The following VCPIP1 variants were observed in gnomAD, a reference collection of about 807,000 sequenced individuals.
VCPIP1 encodes valosin containing protein interacting protein 1.
A neutral mutation model predicts 85.0 loss-of-function variants in VCPIP1; 8 were observed. The ratio of observed to expected loss-of-function variants is 0.09; its 90% CI spans 0.06 to 0.17. VCPIP1 has a LOEUF of 0.17. Among genes scored for constraint, VCPIP1 ranks in the 10% least tolerant of loss-of-function variants. The pLI is 1.00. For missense variants in VCPIP1, 1,070 were observed against 1,486.3 expected, an observed-to-expected ratio of 0.72 and a Z score of 4.61; for synonymous variants, 543 against 544.5, an observed-to-expected ratio of 1.00 and a Z score of 0.04.
chr8:66,664,039 G>T (rs960116459), intron 1 of VCPIP1, among the ~76,000 whole-genome samples: 1 of 151,866 alleles, frequency 6.6e-6, no homozygotes, highest in Non-Finnish European at 1.5e-5. Flanking sequence ...ATTATTGAGG[G>T]ACTACCTTAA....
intron 2 of VCPIP1, among the ~76,000 whole-genome samples, chr8:66,639,002 G>T (rs1362380296): frequency 7.3e-6 from 1 of 136,076 alleles, no homozygotes; most frequent in East Asian, 2.0e-4. Context: ...ATTTTGTGGG[G>T]GACAGGGTCT....
intron 1 of VCPIP1, among the ~76,000 whole-genome samples, chr8:66,655,395 T>C (rs538176791): frequency 7.9e-5 from 12 of 152,310 alleles, no homozygotes; most frequent in South Asian, 2.1e-4. Context: ...TTTCTGTCTC[T>C]AGTGATAAGC....
At chr8:66,658,584 G>T (rs936780886) in intron 1 of VCPIP1, among the ~76,000 whole-genome samples, 4 of 151,854 alleles carry the variant, frequency 2.6e-5, no homozygotes, top group African/African-American at 9.7e-5. Context: ...CGCCTCCTGG[G>T]TTCAAGTGAT....
chr8:66,661,875 T>C (rs1443719882), intron 1 of VCPIP1, among the ~76,000 whole-genome samples: 1 of 149,920 alleles, frequency 6.7e-6, no homozygotes, highest in South Asian at 2.2e-4. Flanking sequence ...AAGATTCTCC[T>C]GCCTCAGCCT....
At chr8:66,651,766 A>C (rs1811055994) in intron 1 of VCPIP1, among the ~76,000 whole-genome samples, 1 of 149,766 alleles carries the variant, frequency 6.7e-6, no homozygotes, top group South Asian at 2.1e-4. Context: ...GCTGTCATGG[A>C]AGAGTGCACG....
At chr8:66,663,022 T>C (rs1212985138) in intron 1 of VCPIP1, among the ~76,000 whole-genome samples, 1 of 150,292 alleles carries the variant, frequency 6.7e-6, no homozygotes, top group African/African-American at 2.5e-5. Flanking sequence ...GGAGAATTGC[T>C]TGAACCCGGG....
chr8:66,655,231 C>T (rs938659159), intron 1 of VCPIP1, among the ~76,000 whole-genome samples: 1 of 152,196 alleles, frequency 6.6e-6, no homozygotes, highest in African/African-American at 2.4e-5. Flanking sequence ...TGACTTTTTA[C>T]CCCCAGGGCC....
chr8:66,633,982 A>T lies in VCPIP1; in HGVS notation c.*519T>A, dbSNP rs1051823585. On this transcript the variant is annotated 3_prime_UTR_variant, in exon 3 of 3. Transcript: ENST00000310421. The stretch of plus-strand genomic sequence containing the variant: ...CCAAGAAATCTCTATGAATGTGTTT[A>T]CGTTCATAGAAACATTTGCATTCCA... The T allele has an allele frequency of 1.3e-5, 2 of 152,314 alleles. No homozygotes were observed. Among genetic ancestry groups the T allele is most frequent in the Admixed American group, 1.3e-4 (2 of 15,272 alleles). 9.4% of individuals were successfully genotyped at this position (152,314 alleles called of 1,614,324 possible). A position where few individuals can be genotyped will look rare whatever the true frequency, so the allele number is the denominator to read the frequency against.
At position 66,666,760 on chromosome 8, in the gene VCPIP1, T is replaced by A. The variant is rs1811217353; in HGVS notation, c.199A>T (p.Ser67Cys). 6.2e-7 allele frequency: 1 copy of A among 1,613,646 alleles called. No individual in the cohort carries two copies. The highest frequency in any genetic ancestry group is 1.3e-5 in the African/African-American group (1 of 74,912). The change falls in exon 1 of 3, where the codon AGC becomes TGC. Residue 67 changes from serine (S) to cysteine (C), a missense_variant. By Grantham distance (112) the Ser-to-Cys change is moderately radical. Coordinates refer to ENST00000310421, the MANE Select transcript of VCPIP1 (RefSeq NM_025054.5). The surrounding 1 kb of genome is among the most constrained non-coding windows in gnomAD (Gnocchi z 6.3). ...RLFFPASGSV[S>C]IECTECGQRH... ...TGGCCGCACTCGGTACACTCGATGCTGACAGAACCGGAGGCCGGGAAAAAT... is the reference window on the plus strand; with the variant it reads ...TGGCCGCACTCGGTACACTCGATGCAGACAGAACCGGAGGCCGGGAAAAAT...
In VCPIP1 at chr8:66,666,425, C is replaced by T. The variant is rs1270483941; in HGVS notation, c.534G>A (p.Val178=). 1 of 1,614,008 alleles carries T rather than the reference C, an allele frequency of 6.2e-7. No homozygotes were observed. ...TTCCGGAGCGGTCCTTGCCATAGCC[C>T]ACAGTGTTAACATGCTCTGGTTCTA... ...FLIEPEHVNT[V]GYGKDRSGSL... is the part of the protein sequence containing the mutation. Residue 178 remains valine, a synonymous_variant, in exon 1 of 3, where the codon GTG becomes GTA. Transcript: ENST00000310421. This position sits in a 1 kb window ranked among gnomAD's most constrained non-coding sequence, Gnocchi z 6.3.
At chr8:66,652,009 A>G (rs1025527417) in intron 1 of VCPIP1, among the ~76,000 whole-genome samples, 4 of 141,470 alleles carry the variant, frequency 2.8e-5, no homozygotes, top group Non-Finnish European at 6.0e-5. Flanking sequence ...CTCTATCTCT[A>G]CAAAAAAAAA....
At chr8:66,635,538 G>A (rs138583758) in intron 2 of VCPIP1, among the ~76,000 whole-genome samples, 166 bp from the exon 3 acceptor site, 13 of 152,092 alleles carry the variant, frequency 8.5e-5, no homozygotes, top group African/African-American at 2.9e-4. Flanking sequence ...AAGAACCACC[G>A]CCATAGACCC....
At position 66,630,372 on chromosome 8, in the gene VCPIP1, AAGT is replaced by A. The variant is rs746839293; in HGVS notation, c.*4126_*4128del. The A allele has an allele frequency of 4.6e-5, 7 of 152,588 alleles. No individual in the cohort carries two copies. The highest frequency in any genetic ancestry group is 1.0e-4 in the Non-Finnish European group (7 of 68,030). The allele number at this position is 152,588 out of a possible 1,614,324, so 9.5% of individuals were successfully genotyped here. The stretch of plus-strand genomic sequence containing the variant: ...ATTCTAAGTATCATTTCCCTCCAAA[AAGT>A]AGACTTTCCAGTTCTTGGCACTAAT... On this transcript the variant is annotated 3_prime_UTR_variant, in exon 3 of 3. Coordinates refer to ENST00000310421, the MANE Select transcript of VCPIP1 (RefSeq NM_025054.5).
chr8:66,638,970 C>CTATATATATATATATATATATA (rs1554584185), intron 2 of VCPIP1, among the ~76,000 whole-genome samples: 6 of 118,398 alleles, frequency 5.1e-5, no homozygotes, highest in African/African-American at 1.6e-4. Flanking sequence ...CTCTCTCTCT[C>CTATATATATATATATATATATA]TATATATATA....
intron 1 of VCPIP1, among the ~76,000 whole-genome samples, chr8:66,651,990 A>G (rs538928393): frequency 1.3e-5 from 2 of 148,906 alleles, no homozygotes; most frequent in African/African-American, 2.5e-5. Flanking sequence ...CTTTGGCAAC[A>G]TGGCGAAACT....
chr8:66,657,624 C>A (rs1418088324), intron 1 of VCPIP1, among the ~76,000 whole-genome samples: 1 of 152,206 alleles, frequency 6.6e-6, no homozygotes, highest in African/African-American at 2.4e-5. Flanking sequence ...CACAGACATG[C>A]ACACAAACTC....
chr8:66,629,946 C>T lies in VCPIP1; in HGVS notation c.*4555G>A, dbSNP rs1245994910. On this transcript the variant is annotated 3_prime_UTR_variant, in exon 3 of 3. Transcript: ENST00000310421. ...AAATCACTATTCCTGTACGATAACC[C>T]GCTTAAGTTCAACAAGAAAACTTTA... 4 of 152,016 alleles carry T rather than the reference C, an allele frequency of 2.6e-5. No homozygotes were observed. Among genetic ancestry groups the T allele is most frequent in the Non-Finnish European group, 4.4e-5 (3 of 68,020 alleles). 9.4% of individuals were successfully genotyped at this position (152,016 alleles called of 1,614,324 possible).
chr8:66,653,924 C>T (rs1050776511), intron 1 of VCPIP1, among the ~76,000 whole-genome samples: 27 of 151,950 alleles, frequency 1.8e-4, no homozygotes, highest in African/African-American at 5.6e-4. Context: ...AAATTTTTAC[C>T]CCCTTCAAAG....
intron 2 of VCPIP1, among the ~76,000 whole-genome samples, chr8:66,638,480 C>CAAAAA (rs34135306): frequency 2.5e-5 from 3 of 118,752 alleles, no homozygotes; most frequent in Non-Finnish European, 5.0e-5. Context: ...AACCCCATCT[C>CAAAAA]AAAAAAAAAA....
Sources: gnomAD v4.1 joint callset for allele counts (sites outside exome capture counted in the v4.1 genomes callset) on GRCh38, gnomAD v4.1.1 for gene constraint, Gnocchi (gnomAD v3.1) non-coding constraint, MANE v1.5 for transcripts, NCBI Gene and HGNC (gene_info 2026-07-23, HGNC 2026-07-21) for gene names.